The following PUDP variants were observed in gnomAD, a reference collection of about 807,000 sequenced individuals.
PUDP encodes the protein pseudouridine 5'-phosphatase.
A neutral mutation model predicts 9.4 loss-of-function variants in PUDP; 8 were observed. That is an observed-to-expected ratio of 0.85 (90% confidence interval 0.50 to 1.53). The LOEUF is 1.53. Ranked by LOEUF, PUDP falls within the 40% of genes most tolerant of loss-of-function variation. The probability of loss-of-function intolerance (pLI) is 0.00; values close to 1 mark genes in which losing one functional copy is unlikely to be tolerated. For missense variants in PUDP, 188 were observed against 189.7 expected (o/e 0.99, Z 0.05); for synonymous variants, 99 against 80.7 (o/e 1.23, Z -1.22).
At position 6,860,690 on chromosome X, in the gene PUDP, T is replaced by C. The variant is rs1351370109; in HGVS notation, c.*247+116443A>G. 4.5e-5 allele frequency among the ~76,000 whole-genome samples: 5 copies of C among 110,946 alleles called. No individual in the cohort carries two copies. The Admixed American group carries it at 4.8e-4, about 11-fold the overall frequency. ...TTTCAGCATGTGGGCCAAGATGGTCTTGAACTCCTGACCTCAGGTAATCCG... is the reference window on the plus strand; with the variant it reads ...TTTCAGCATGTGGGCCAAGATGGTCCTGAACTCCTGACCTCAGGTAATCCG... On this transcript the variant is annotated intron_variant and NMD_transcript_variant, in intron 3 of 3. Coordinates refer to the PUDP transcript ENST00000655425.
At chrX:7,050,664 C>T (rs1930076112) in intron 3 of PUDP, among the ~76,000 whole-genome samples, 192 bp from the exon 4 acceptor site, 1 of 112,406 alleles carries the variant, frequency 8.9e-6, no homozygotes, top group Non-Finnish European at 1.9e-5. Flanking sequence ...GTCTCCCCGC[C>T]GTGGCTCCTT....
intron 1 of PUDP, among the ~76,000 whole-genome samples, chrX:7,021,959 C>G (rs1929639647): frequency 8.9e-6 from 1 of 112,290 alleles, no homozygotes; most frequent in Non-Finnish European, 1.9e-5. Flanking sequence ...TCTCATCCAC[C>G]TGCAAAGTCA....
intron 1 of PUDP, among the ~76,000 whole-genome samples, chrX:6,990,307 GTT>G (rs1386649067): frequency 9.0e-6 from 1 of 111,304 alleles, no homozygotes; most frequent in African/African-American, 3.3e-5. Flanking sequence ...GTGTACTGCT[GTT>G]TGCCATGTAA....
At chrX:6,907,930 G>A (rs952584986) in intron 3 of PUDP, among the ~76,000 whole-genome samples, 2 of 112,560 alleles carry the variant, frequency 1.8e-5, no homozygotes, top group African/African-American at 6.4e-5. Context: ...CATGGGAGCA[G>A]GAACCCTGAC....
chrX:6,765,802 G>A (rs143223590), intron 3 of PUDP, among the ~76,000 whole-genome samples: 254 of 111,616 alleles, frequency 2.3e-3, no homozygotes, highest in Middle Eastern at 9.2e-3. Flanking sequence ...AGAGAAAGAG[G>A]TTGGGGCTGA....
chrX:7,140,807 C>G (rs1932787753), intron 1 of PUDP, among the ~76,000 whole-genome samples: 1 of 112,037 alleles, frequency 8.9e-6, no homozygotes, highest in Admixed American at 9.5e-5. Context: ...GAAAGTCTAT[C>G]AACACCATTT....
chrX:7,001,507 C>T lies in PUDP; in HGVS notation c.205-23164G>A, dbSNP rs757174661. 8.1e-5 allele frequency among the ~76,000 whole-genome samples: 9 copies of T among 111,244 alleles called. No homozygotes were observed. The South Asian group carries it at 3.4e-3, about 42-fold the overall frequency. On this transcript the variant is annotated intron_variant and NMD_transcript_variant, in intron 1 of 3. Transcript: ENST00000655425. The stretch of plus-strand genomic sequence containing the variant: ...TGAGAAAAAGAAGAAGATGGAAAAA[C>T]TTATTCTATTCAGAATTAATATAAA...
At chrX:7,090,616 T>C (rs1448989925) in intron 2 of PUDP, among the ~76,000 whole-genome samples, 3 of 111,975 alleles carry the variant, frequency 2.7e-5, no homozygotes, top group Non-Finnish European at 5.6e-5. Context: ...AGTATCTGCA[T>C]TGGGAATTTC....
chrX:6,830,835 T>C (rs1029546995), intron 3 of PUDP, among the ~76,000 whole-genome samples: 3 of 112,313 alleles, frequency 2.7e-5, no homozygotes, highest in African/African-American at 9.7e-5. Flanking sequence ...AAATCCCATA[T>C]TGCAACCACC....
At chrX:7,026,800 A>T (rs1158410309) in intron 1 of PUDP, among the ~76,000 whole-genome samples, 2 of 111,854 alleles carry the variant, frequency 1.8e-5, no homozygotes, top group African/African-American at 6.5e-5. Context: ...AGTAGTGCTG[A>T]TGGTACACAG....
chrX:7,064,404 G>A (rs373634081), intron 3 of PUDP, among the ~76,000 whole-genome samples: 2 of 111,971 alleles, frequency 1.8e-5, no homozygotes, highest in African/African-American at 3.2e-5. Flanking sequence ...ACCAGAAACC[G>A]TAGTTCCTAG....
At chrX:6,927,296 T>C (rs1461574666) in intron 3 of PUDP, among the ~76,000 whole-genome samples, 1 of 111,936 alleles carries the variant, frequency 8.9e-6, no homozygotes, top group Admixed American at 9.5e-5. Context: ...GCTATAGGCA[T>C]AGAATGAGAC....
At chrX:6,811,939 C>T (rs1441890743) in intron 3 of PUDP, among the ~76,000 whole-genome samples, 2 of 112,291 alleles carry the variant, frequency 1.8e-5, no homozygotes, top group Non-Finnish European at 3.8e-5. Flanking sequence ...AAGGGACTGG[C>T]CCCCAGGAAA....
chrX:7,042,102 C>T (rs1929930781), intron 1 of PUDP, among the ~76,000 whole-genome samples: 2 of 108,833 alleles, frequency 1.8e-5, no homozygotes, highest in African/African-American at 6.7e-5. Context: ...GCATTCCCTT[C>T]TCCCTCTTTT....
chrX:6,896,172 T>C (rs1283243213), intron 3 of PUDP, among the ~76,000 whole-genome samples: 1 of 111,807 alleles, frequency 8.9e-6, no homozygotes, highest in Non-Finnish European at 1.9e-5. Flanking sequence ...TATTATAGGC[T>C]GAAACTTGAT....
At chrX:6,766,812 C>T (rs1221664393) in intron 3 of PUDP, among the ~76,000 whole-genome samples, 1 of 111,857 alleles carries the variant, frequency 8.9e-6, no homozygotes, top group African/African-American at 3.2e-5. Context: ...TATAGTATTG[C>T]CATTTCAAGA....
At chrX:7,033,367 A>G (rs1239859375) in intron 1 of PUDP, among the ~76,000 whole-genome samples, 1 of 112,015 alleles carries the variant, frequency 8.9e-6, no homozygotes, top group South Asian at 3.8e-4. Flanking sequence ...CTGTCCCTCT[A>G]GAGAACCTTG....
chrX:6,902,560 A>G (rs1349964785), intron 3 of PUDP, among the ~76,000 whole-genome samples: 4 of 112,327 alleles, frequency 3.6e-5, no homozygotes, highest in Admixed American at 2.8e-4. Context: ...TCCTGCCTTA[A>G]GGGTATTGCT....
Position 6,817,010 on chromosome X carries a change from T to TAC in PUDP, c.*248-110546_*248-110545dup, listed in dbSNP as rs1443338466. 8.3e-5 allele frequency among the ~76,000 whole-genome samples: 8 copies of TAC among 95,964 alleles called. No homozygotes were observed. In the South Asian group the frequency reaches 2.3e-3, roughly 27 times the overall value. The allele number at this position is 95,964 out of a possible 115,157, so 83.3% of individuals were successfully genotyped here. ...TACTATATAGTATATATAATATATA[T>TAC]ACACATATAGTATATACTATATAGT... On this transcript the variant is annotated intron_variant and NMD_transcript_variant, in intron 3 of 3. Coordinates refer to the PUDP transcript ENST00000655425.
Sources: allele counts gnomAD v4.1 joint callset (sites outside exome capture counted in the v4.1 genomes callset), GRCh38; gene constraint gnomAD v4.1.1; transcripts MANE v1.5; gene names NCBI Gene and HGNC (gene_info 2026-07-23, HGNC 2026-07-21).